The following RYR3 variants were observed in gnomAD, a reference collection of about 807,000 sequenced individuals.
RYR3 encodes ryanodine receptor 3.
RYR3 carries 207 observed loss-of-function variants against 584.3 expected under a neutral mutation model. That is an observed-to-expected ratio of 0.35 (90% CI 0.32 to 0.40). The LOEUF is 0.40. Ranked by LOEUF, RYR3 falls within the 10% of genes least tolerant of loss-of-function variation. The pLI is 1.00. For missense variants in RYR3, 5,616 were observed against 6,089.2 expected, an observed-to-expected ratio of 0.92 and a Z score of 2.59; for synonymous variants, 2,416 against 2,248.5, an observed-to-expected ratio of 1.07 and a Z score of -2.11.
intron 66 of RYR3, among the ~76,000 whole-genome samples, chr15:33,787,958 G>C (rs1286776318): frequency 6.6e-6 from 1 of 152,236 alleles, no homozygotes; most frequent in Non-Finnish European, 1.5e-5. Context: ...TGCATGAGAG[G>C]TTCGAGGGAG....
Position 33,811,005 on chromosome 15 carries a change from C to A in RYR3, c.10225C>A (p.His3409Asn). 6.2e-7 allele frequency: 1 copy of A among 1,609,268 alleles called. No homozygotes were observed. The highest frequency in any genetic ancestry group is 8.5e-7 in the Non-Finnish European group (1 of 1,178,018). Residue 3409 changes from histidine to asparagine, a missense_variant, in exon 72 of 104, where the codon CAT (histidine) becomes AAT (asparagine). Transcript: ENST00000634891. Reference protein sequence around the residue: ...HRDTDEEVREHLRNNLHLQEK... With the variant: ...HRDTDEEVRENLRNNLHLQEK... The stretch of plus-strand genomic sequence containing the variant: ...GGACACAGATGAAGAGGTCAGAGAA[C>A]ATCTGCGGAACAACTTGCACTTGCA...
At chr15:33,564,357 T>G (rs1357100215) in intron 11 of RYR3, among the ~76,000 whole-genome samples, 1 of 152,142 alleles carries the variant, frequency 6.6e-6, no homozygotes, top group Non-Finnish European at 1.5e-5. Flanking sequence ...ATGTTGACAT[T>G]ATGAGAGTAC....
intron 38 of RYR3, among the ~76,000 whole-genome samples, chr15:33,687,167 C>G (rs1174991842): frequency 6.6e-6 from 1 of 152,124 alleles, no homozygotes; most frequent in Non-Finnish European, 1.5e-5. Context: ...TTTAGAAAAC[C>G]CCATCATCTC....
At position 33,528,425 on chromosome 15, in the gene RYR3, A is replaced by G. The variant is rs370677174; in HGVS notation, c.280-2167A>G. ...ACTATGGAGGTGTGTCAACAGTCCT[A>G]CCAGAATGTTGTGGCCTACTTTTAC... On this transcript the variant is annotated intron_variant, in intron 3 of 103. Transcript: ENST00000634891. Among the ~76,000 whole-genome samples, 15 of 152,258 alleles carry G rather than the reference A, an allele frequency of 9.9e-5. No individual in the cohort carries two copies. The East Asian group carries it at 2.9e-3, about 29-fold the overall frequency.
At chr15:33,539,550 T>C (rs960183011) in intron 6 of RYR3, 88 bp downstream of exon 6, 2 of 764,330 alleles carry the variant, frequency 2.6e-6, no homozygotes, top group Middle Eastern at 2.8e-4. Flanking sequence ...CCACAGCAGG[T>C]TGGATAGAAT....
In RYR3 at chr15:33,865,247, A is replaced by ACAGTCAACTTCC; in HGVS notation, c.*23_*24insGTCAACTTCCCA. ...GATAAATCTGAATCAAAGAAGCGCG[A>ACAGTCAACTTCC]CAATTCTGGACAGTCAACTTCCCAT... On this transcript the variant is annotated 3_prime_UTR_variant, in exon 104 of 104. Transcript: ENST00000634891. 6.6e-7 allele frequency: 1 copy of ACAGTCAACTTCC among 1,522,326 alleles called. No homozygotes were observed. The highest frequency in any genetic ancestry group is 1.7e-5 in the Admixed American group (1 of 59,022). The allele number at this position is 1,522,326 out of a possible 1,614,324, so 94.3% of individuals were successfully genotyped here. A position where few individuals can be genotyped will look rare whatever the true frequency, so the allele number is the denominator to read the frequency against.
chr15:33,865,398 T>TAATGGACATACA lies in RYR3; in HGVS notation c.*173_*184dup. ...TGAAATTGATTTGGCTTTTTGTGCC[T>TAATGGACATACA]AATGGACATACACTGTGGGAGAGAA... On this transcript the variant is annotated 3_prime_UTR_variant, in exon 104 of 104. Transcript: ENST00000634891. 1 of 588,730 alleles carries TAATGGACATACA rather than the reference T, an allele frequency of 1.7e-6. No individual in the cohort carries two copies. Among genetic ancestry groups the TAATGGACATACA allele is most frequent in the Non-Finnish European group, 3.0e-6 (1 of 331,632 alleles). The allele number at this position is 588,730 out of a possible 1,614,324, so 36.5% of individuals were successfully genotyped here.
At chr15:33,813,920 A>G (rs1221773892) in intron 74 of RYR3, among the ~76,000 whole-genome samples, 1 of 152,232 alleles carries the variant, frequency 6.6e-6, no homozygotes, top group Non-Finnish European at 1.5e-5. Flanking sequence ...GTTTTCTGAA[A>G]CATTTTACCC....
intron 27 of RYR3, among the ~76,000 whole-genome samples, chr15:33,643,547 AG>A (rs2061944827): frequency 6.6e-6 from 1 of 151,948 alleles, no homozygotes; most frequent in African/African-American, 2.4e-5. Context: ...TGCCTTCCTG[AG>A]TAGGCGAGGA....
intron 23 of RYR3, among the ~76,000 whole-genome samples, chr15:33,631,617 G>A (rs1307994107): frequency 6.6e-6 from 1 of 152,168 alleles, no homozygotes; most frequent in Non-Finnish European, 1.5e-5. Context: ...TCCCAGCCAT[G>A]ACAGAGAGTC....
intron 16 of RYR3, among the ~76,000 whole-genome samples, chr15:33,592,695 CCT>C (rs1168740329): frequency 3.9e-5 from 6 of 152,192 alleles, no homozygotes; most frequent in Admixed American, 2.0e-4. Flanking sequence ...CAAGATACCC[CCT>C]GTCAGTCAGA....
At chr15:33,816,784 A>T in intron 74 of RYR3, 78 bp from the exon 75 acceptor site, 1 of 878,116 alleles carries the variant, frequency 1.1e-6, no homozygotes, top group Non-Finnish European at 1.8e-6. Flanking sequence ...TGTCCTGCTT[A>T]CTAACCATTA....
At chr15:33,723,335 G>GT (rs1445475987) in intron 44 of RYR3, among the ~76,000 whole-genome samples, 2 of 151,704 alleles carry the variant, frequency 1.3e-5, no homozygotes, top group Admixed American at 6.6e-5. Context: ...TTAAGAAAGT[G>GT]TTTCGATTTG....
At chr15:33,730,299 G>T (rs1284060648) in intron 47 of RYR3, among the ~76,000 whole-genome samples, 1 of 151,618 alleles carries the variant, frequency 6.6e-6, no homozygotes, top group African/African-American at 2.4e-5. Flanking sequence ...AGTATCTGGT[G>T]TTCAATCACA....
At chr15:33,612,664 T>C (rs1017400967) in intron 18 of RYR3, among the ~76,000 whole-genome samples, 1 of 152,206 alleles carries the variant, frequency 6.6e-6, no homozygotes, top group Non-Finnish European at 1.5e-5. Context: ...CCAGCCTATG[T>C]AGCATAGTTT....
intron 1 of RYR3, among the ~76,000 whole-genome samples, chr15:33,376,727 T>C (rs1044733812): frequency 2.6e-5 from 4 of 152,224 alleles, no homozygotes; most frequent in African/African-American, 7.2e-5. Context: ...TCCTCTGTGT[T>C]CTCTTCTAGA....
intron 22 of RYR3, among the ~76,000 whole-genome samples, chr15:33,630,678 T>A (rs931013284): frequency 1.3e-5 from 2 of 152,226 alleles, no homozygotes; most frequent in African/African-American, 4.8e-5. Flanking sequence ...TTGTACTTCA[T>A]GGTTTTAAGC....
At chr15:33,383,596 A>G (rs1246715248) in intron 1 of RYR3, among the ~76,000 whole-genome samples, 5 of 151,916 alleles carry the variant, frequency 3.3e-5, no homozygotes, top group African/African-American at 1.2e-4. Context: ...GGGTTGTTGC[A>G]TGGATATATT....
At chr15:33,508,759 C>T (rs1047296039) in intron 3 of RYR3, among the ~76,000 whole-genome samples, 2 of 152,182 alleles carry the variant, frequency 1.3e-5, no homozygotes, top group South Asian at 2.1e-4. Context: ...TTCATCTCCC[C>T]GTATTACTTG....
Sources: allele counts gnomAD v4.1 joint callset (sites outside exome capture counted in the v4.1 genomes callset), GRCh38; gene constraint gnomAD v4.1.1; transcripts MANE v1.5; gene names NCBI Gene and HGNC (gene_info 2026-07-23, HGNC 2026-07-21).